Variants in DPH6 observed in about 807,000 individuals in gnomAD.
The protein encoded by DPH6 is diphthamine biosynthesis 6.
A neutral mutation model predicts 38.2 loss-of-function variants in DPH6; 33 were observed. That is an observed-to-expected ratio of 0.86 (90% CI 0.65 to 1.15). The LOEUF is 1.15. Among genes scored for constraint, DPH6 ranks in the 50% most tolerant of loss-of-function variants. The probability of loss-of-function intolerance (pLI) is 0.00; values close to 1 mark genes in which losing one functional copy is unlikely to be tolerated. For missense variants in DPH6, 325 were observed against 320.0 expected (o/e 1.02, Z -0.12); for synonymous variants, 108 against 103.0 (o/e 1.05, Z -0.30).
At chr15:35,481,432 C>A (rs1566926011) in intron 3 of DPH6, among the ~76,000 whole-genome samples, 1 of 152,022 alleles carries the variant, frequency 6.6e-6, no homozygotes, top group Non-Finnish European at 1.5e-5. Context: ...ACATATTAAC[C>A]AATTGCAATA....
chr15:35,234,292 C>A lies in DPH6; in HGVS notation n.201-13710G>T, dbSNP rs114923385. Reference sequence around the variant, plus strand: ...CAACAAGGTAAGCATGATAGTAAGGCCTCTTTTGTTTGTGTGCAGGTGTGG... The same window carrying A: ...CAACAAGGTAAGCATGATAGTAAGGACTCTTTTGTTTGTGTGCAGGTGTGG... On this transcript the variant is annotated intron_variant and non_coding_transcript_variant, in intron 3 of 3. Coordinates refer to the DPH6 transcript ENST00000560386. 4.3e-3 allele frequency among the ~76,000 whole-genome samples: 649 copies of A among 152,268 alleles called. 6 individuals are homozygous for A. The highest frequency in any genetic ancestry group is 0.015 in the African/African-American group (613 of 41,552).
intron 6 of DPH6, among the ~76,000 whole-genome samples, chr15:35,408,574 C>G (rs1490951504): frequency 6.6e-6 from 1 of 151,840 alleles, no homozygotes; most frequent in Non-Finnish European, 1.5e-5. Context: ...CTGAGATTAC[C>G]TAGAGAAAGT....
chr15:35,240,577 C>T lies in DPH6; in HGVS notation n.201-19995G>A, dbSNP rs1474067418. Among the ~76,000 whole-genome samples, 6 of 143,630 alleles carry T rather than the reference C, an allele frequency of 4.2e-5. 2 individuals are homozygous for T. Among genetic ancestry groups the T allele is most frequent in the South Asian group, 4.8e-4 (2 of 4,182 alleles). 94.2% of individuals were successfully genotyped at this position (143,630 alleles called of 152,430 possible). A position where few individuals can be genotyped will look rare whatever the true frequency, so the allele number is the denominator to read the frequency against. On this transcript the variant is annotated intron_variant and non_coding_transcript_variant, in intron 3 of 3. Coordinates refer to the DPH6 transcript ENST00000560386. ...CAGTTTCATTCTGTGACTAGCCCTCCCCCACCTGCCCAGCAATTTACTCTT... is the reference window on the plus strand; with the variant it reads ...CAGTTTCATTCTGTGACTAGCCCTCTCCCACCTGCCCAGCAATTTACTCTT...
intron 5 of DPH6, among the ~76,000 whole-genome samples, chr15:35,414,460 T>C (rs1382288155): frequency 6.6e-6 from 1 of 151,858 alleles, no homozygotes; most frequent in Non-Finnish European, 1.5e-5. Flanking sequence ...TAATTCAATA[T>C]GTCTAGGCAC....
chr15:35,388,177 T>C (rs928389227), intron 6 of DPH6, among the ~76,000 whole-genome samples: 1 of 152,218 alleles, frequency 6.6e-6, no homozygotes, highest in Non-Finnish European at 1.5e-5. Flanking sequence ...CAGCCTTGCA[T>C]CCCAGGGATG....
the DPH6 span, among the ~76,000 whole-genome samples, chr15:35,184,011 G>A: frequency 6.6e-6 from 1 of 152,174 alleles, no homozygotes; most frequent in Non-Finnish European, 1.5e-5. Context: ...CTGCTAGACC[G>A]TATGTCCACG....
chr15:35,193,726 A>G, the DPH6 span, among the ~76,000 whole-genome samples: 1 of 152,326 alleles, frequency 6.6e-6, no homozygotes, highest in South Asian at 2.1e-4. Flanking sequence ...ATGTATCAGG[A>G]GAATTTATTC....
intron 3 of DPH6, chr15:35,298,672 C>G: frequency 6.7e-7 from 1 of 1,491,880 alleles, no homozygotes; most frequent in Non-Finnish European, 9.3e-7. Context: ...CGGTGCTCAG[C>G]CCCTGCTCAT....
At chr15:35,209,830 C>T in the DPH6 span, among the ~76,000 whole-genome samples, 1 of 152,134 alleles carries the variant, frequency 6.6e-6, no homozygotes, top group African/African-American at 2.4e-5. Context: ...TAGTTCAAAC[C>T]CTTATGAAGT....
chr15:35,368,970 A>G (rs943731831), downstream of DPH6, among the ~76,000 whole-genome samples: 2 of 151,784 alleles, frequency 1.3e-5, no homozygotes, highest in Non-Finnish European at 2.9e-5. Flanking sequence ...CCAGAAAAAG[A>G]AAATATTGAA....
intron 5 of DPH6, among the ~76,000 whole-genome samples, chr15:35,445,059 A>T (rs2053834593): frequency 6.6e-6 from 1 of 152,234 alleles, no homozygotes; most frequent in Non-Finnish European, 1.5e-5. Context: ...TATCAAATAC[A>T]GCTCTCTCTG....
intron 2 of DPH6, among the ~76,000 whole-genome samples, 176 bp downstream of exon 2, chr15:35,542,237 T>G (rs79389254): frequency 6.6e-6 from 1 of 152,114 alleles, no homozygotes; most frequent in African/African-American, 2.4e-5. Flanking sequence ...TTATGAGAAT[T>G]AAAAAGTAAG....
chr15:35,151,386 C>G, the DPH6 span, among the ~76,000 whole-genome samples: 1 of 152,136 alleles, frequency 6.6e-6, no homozygotes, highest in Non-Finnish European at 1.5e-5. Flanking sequence ...ACATTGATGT[C>G]TCTGGTCCAT....
the DPH6 span, among the ~76,000 whole-genome samples, chr15:35,162,914 C>A: frequency 2.0e-5 from 3 of 151,802 alleles, no homozygotes; most frequent in Non-Finnish European, 2.9e-5. Context: ...AGTGAGGGAA[C>A]CCCATAAGCA....
chr15:35,355,440 T>C (rs1316113745), intron 3 of DPH6, among the ~76,000 whole-genome samples: 2 of 152,210 alleles, frequency 1.3e-5, no homozygotes, highest in African/African-American at 2.4e-5. Context: ...TTCCTTTCCA[T>C]GTTTAGTGCT....
At chr15:35,170,126 C>T in the DPH6 span, among the ~76,000 whole-genome samples, 4 of 152,284 alleles carry the variant, frequency 2.6e-5, no homozygotes, top group Admixed American at 1.3e-4. Flanking sequence ...AACTGTCGGT[C>T]AGTGTCATTT....
intron 3 of DPH6, among the ~76,000 whole-genome samples, chr15:35,226,487 T>C (rs950318825): frequency 2.0e-5 from 3 of 152,200 alleles, no homozygotes; most frequent in Non-Finnish European, 4.4e-5. Context: ...ATGGAAAGCC[T>C]TATTGGTACA....
intron 6 of DPH6, among the ~76,000 whole-genome samples, chr15:35,390,487 C>T (rs866617943): frequency 1.1e-4 from 17 of 152,300 alleles, no homozygotes; most frequent in East Asian, 7.7e-4. Flanking sequence ...ACCAATTAGA[C>T]GTAGATTTGG....
At chr15:35,280,991 A>G (rs1282214876) in intron 3 of DPH6, among the ~76,000 whole-genome samples, 2 of 152,152 alleles carry the variant, frequency 1.3e-5, no homozygotes, top group South Asian at 4.1e-4. Flanking sequence ...TTTAGGGTAC[A>G]TGTGCACAAT....
Sources: allele counts gnomAD v4.1 joint callset (sites outside exome capture counted in the v4.1 genomes callset), GRCh38; gene constraint gnomAD v4.1.1; transcripts MANE v1.5; gene names NCBI Gene and HGNC (gene_info 2026-07-23, HGNC 2026-07-21).